The following NT5DC1 variants were observed in gnomAD, a reference collection of about 807,000 sequenced individuals.
The protein encoded by NT5DC1 is 5'-nucleotidase domain containing 1.
Under a neutral mutation model 59.4 loss-of-function variants are expected in NT5DC1, and 42 were observed. The observed-to-expected ratio is 0.71, with a 90% CI of 0.55 to 0.92. NT5DC1 has a LOEUF of 0.92. Ranked by LOEUF, NT5DC1 falls within the 40% of genes least tolerant of loss-of-function variation. The pLI, the probability that NT5DC1 is intolerant of heterozygous loss-of-function variation, is 0.00. For synonymous variants in NT5DC1, 172 were observed against 188.1 expected (o/e 0.91, Z 0.70); for missense variants, 501 against 537.1 (o/e 0.93, Z 0.66).
chr6:116,234,917 G>C (rs1336201365), intron 8 of NT5DC1, among the ~76,000 whole-genome samples: 1 of 152,082 alleles, frequency 6.6e-6, no homozygotes, highest in Admixed American at 6.5e-5. Context: ...AAAACCCGCA[G>C]CCTCAGCTGC....
chr6:116,120,879 C>T, intron 6 of NT5DC1: 3 of 1,614,006 alleles, frequency 1.9e-6, no homozygotes, highest in Non-Finnish European at 2.5e-6. Flanking sequence ...CCTCCAACTC[C>T]AGGATCACCT....
intron 11 of NT5DC1, among the ~76,000 whole-genome samples, chr6:116,240,732 TG>T (rs1377722941): frequency 2.0e-5 from 3 of 152,248 alleles, no homozygotes; most frequent in African/African-American, 7.2e-5. Context: ...GATTGACATC[TG>T]ACTTATCAGA....
chr6:116,219,469 G>T (rs2114538335), intron 6 of NT5DC1, among the ~76,000 whole-genome samples: 1 of 152,148 alleles, frequency 6.6e-6, no homozygotes, highest in African/African-American at 2.4e-5. Flanking sequence ...ACAGGAGGAG[G>T]GAATAACTGT....
chr6:116,226,299 A>G (rs1033221552), intron 8 of NT5DC1, among the ~76,000 whole-genome samples: 1 of 152,088 alleles, frequency 6.6e-6, no homozygotes, highest in Admixed American at 6.5e-5. Flanking sequence ...GTTCCAAGAA[A>G]ATCTATACCC....
intron 6 of NT5DC1, chr6:116,120,031 A>G: frequency 6.5e-7 from 1 of 1,536,210 alleles, no homozygotes. Context: ...GAGTTAGAGA[A>G]TGCTTTTTCT....
Position 116,237,034 on chromosome 6 carries a change from G to A in NT5DC1, c.871G>A (p.Val291Ile), listed in dbSNP as rs868444088. 3.7e-6 allele frequency: 6 copies of A among 1,613,434 alleles called. No individual in the cohort carries two copies. The Middle Eastern group carries it at 8.2e-4, about 222-fold the overall frequency. The change falls in exon 9 of 12, where the codon GTC (valine) becomes ATC (isoleucine). Residue 291 changes from valine to isoleucine, a missense_variant. By Grantham distance (29) the Val-to-Ile change is conservative. Transcript: ENST00000319550. Reference protein sequence around the residue: ...KPGWYSQGNAVHLYELLKKMT... With the variant: ...KPGWYSQGNAIHLYELLKKMT... ...TGGCTGGTACTCCCAAGGGAACGCT[G>A]TCCACCTCTATGAACTTCTGAAGAA...
At chr6:116,230,501 C>A (rs1326486859) in intron 8 of NT5DC1, among the ~76,000 whole-genome samples, 1 of 152,220 alleles carries the variant, frequency 6.6e-6, no homozygotes, top group Non-Finnish European at 1.5e-5. Flanking sequence ...ACCTAGAGAT[C>A]TTGTTAAAAT....
At chr6:116,182,237 G>GTGTGTGTGTA (rs1780898304) in intron 6 of NT5DC1, among the ~76,000 whole-genome samples, 1 of 151,694 alleles carries the variant, frequency 6.6e-6, no homozygotes, top group African/African-American at 2.4e-5. Context: ...GTGTGTGTGT[G>GTGTGTGTGTA]TGTGTGTGTG....
intron 8 of NT5DC1, among the ~76,000 whole-genome samples, chr6:116,234,927 C>G (rs942410059): frequency 6.6e-6 from 1 of 151,960 alleles, no homozygotes; most frequent in Non-Finnish European, 1.5e-5. Flanking sequence ...GCCTCAGCTG[C>G]CCTTGTAAAT....
At chr6:116,154,365 T>G (rs1384431540) in intron 6 of NT5DC1, among the ~76,000 whole-genome samples, 1 of 152,170 alleles carries the variant, frequency 6.6e-6, no homozygotes, top group Non-Finnish European at 1.5e-5. Context: ...CCGTCCATGG[T>G]CACCCAGTTT....
chr6:116,194,828 CTATTA>C (rs369591589), intron 6 of NT5DC1, among the ~76,000 whole-genome samples: 1 of 151,992 alleles, frequency 6.6e-6, no homozygotes, highest in African/African-American at 2.4e-5. Flanking sequence ...CTATTCTTTT[CTATTA>C]TAAGACACTC....
intron 6 of NT5DC1, among the ~76,000 whole-genome samples, chr6:116,178,705 A>G (rs890251861): frequency 6.6e-6 from 1 of 152,236 alleles, no homozygotes; most frequent in Non-Finnish European, 1.5e-5. Context: ...CCAGAAATAT[A>G]GAGCAGTTTC....
chr6:116,179,355 G>T (rs912080932), intron 6 of NT5DC1, among the ~76,000 whole-genome samples: 33 of 152,150 alleles, frequency 2.2e-4, no homozygotes, highest in Admixed American at 5.2e-4. Context: ...TTTCTTCAGA[G>T]AATTGGGGTT....
At chr6:116,146,929 TA>T (rs990319835) in intron 6 of NT5DC1, among the ~76,000 whole-genome samples, 1 of 150,890 alleles carries the variant, frequency 6.6e-6, no homozygotes, top group Non-Finnish European at 1.5e-5. Flanking sequence ...GTCTATGGAT[TA>T]AAAAATAAAT....
At chr6:116,136,927 T>A (rs1779622157) in intron 6 of NT5DC1, 1 of 152,204 alleles carries the variant, frequency 6.6e-6, no homozygotes. Context: ...TGATGGATAG[T>A]ATATAAACTA....
intron 6 of NT5DC1, chr6:116,119,994 T>A: frequency 4.2e-6 from 5 of 1,198,662 alleles, no homozygotes; most frequent in Non-Finnish European, 6.2e-6. Flanking sequence ...TCAGCCTACC[T>A]CCATATGCAT....
chr6:116,241,812 A>G (rs1020478503), intron 11 of NT5DC1, among the ~76,000 whole-genome samples: 2 of 151,014 alleles, frequency 1.3e-5, no homozygotes, highest in Non-Finnish European at 3.0e-5. Flanking sequence ...AGTCCCAGCT[A>G]CTCAGGAGGC....
Position 116,100,995 on chromosome 6 carries a change from G to A in NT5DC1, c.65G>A (p.Cys22Tyr). ...GGATTCGACCTGGACCACACTCTGT[G>A]TCGCTACAACCTGCCCGAGAGCGCC... is the stretch of plus-strand genomic sequence containing the variant. ...VVGFDLDHTL[C>Y]RYNLPESAPL... The change falls in exon 1 of 12, where the codon TGT (cysteine) becomes TAT (tyrosine). Residue 22 changes from cysteine (C) to tyrosine (Y), a missense_variant. Transcript: ENST00000319550. 6.2e-7 allele frequency: 1 copy of A among 1,603,314 alleles called. No homozygotes were observed. Among genetic ancestry groups the A allele is most frequent in the Non-Finnish European group, 8.5e-7 (1 of 1,176,292 alleles).
At chr6:116,159,870 T>C (rs10223561) in intron 6 of NT5DC1, among the ~76,000 whole-genome samples, 2,998 of 152,254 alleles carry the variant, frequency 0.02, 95 homozygotes, top group African/African-American at 0.067. Context: ...GCGATATTTG[T>C]TTTTTTGTTT....
Sources: gnomAD v4.1 joint callset for allele counts (sites outside exome capture counted in the v4.1 genomes callset) on GRCh38, gnomAD v4.1.1 for gene constraint, MANE v1.5 for transcripts, NCBI Gene and HGNC (gene_info 2026-07-23, HGNC 2026-07-21) for gene names.